SRPK2: variants seen among roughly 807,000 people sequenced by gnomAD.
The protein encoded by SRPK2 is SFRS protein kinase 2.
A neutral mutation model predicts 90.8 loss-of-function variants in SRPK2; 21 were observed. The observed-to-expected ratio is 0.23, with a 90% confidence interval of 0.16 to 0.33. The LOEUF (loss-of-function observed/expected upper bound fraction) is 0.33, where lower values mean the gene tolerates loss of function less well. Ranked by LOEUF, SRPK2 falls within the 10% of genes least tolerant of loss-of-function variation. The pLI is 1.00. For synonymous variants in SRPK2, 288 were observed against 311.1 expected, an observed-to-expected ratio of 0.93 and a Z score of 0.78; for missense variants, 620 against 869.0, an observed-to-expected ratio of 0.71 and a Z score of 3.60.
At chr7:105,291,736 AG>A (rs962634016) in intron 2 of SRPK2, among the ~76,000 whole-genome samples, 3 of 151,986 alleles carry the variant, frequency 2.0e-5, no homozygotes, top group African/African-American at 7.2e-5. Context: ...TTTCAGGGGG[AG>A]GGGGTCTCAA....
chr7:105,361,015 A>T (rs1180939706), intron 2 of SRPK2, among the ~76,000 whole-genome samples: 1 of 152,174 alleles, frequency 6.6e-6, no homozygotes, highest in Non-Finnish European at 1.5e-5. Context: ...AGGGTATTCA[A>T]TTAGGAAAAG....
At chr7:105,229,387 C>T (rs1771299428) in intron 2 of SRPK2, among the ~76,000 whole-genome samples, 1 of 152,010 alleles carries the variant, frequency 6.6e-6, no homozygotes. Flanking sequence ...TGGCGTGAAC[C>T]CGGGAGGCGG....
intron 2 of SRPK2, among the ~76,000 whole-genome samples, chr7:105,376,189 G>A (rs890601883): frequency 5.9e-5 from 9 of 151,566 alleles, no homozygotes; most frequent in Non-Finnish European, 1.3e-4. Context: ...AGTAGAGACA[G>A]GGTTTCACCA....
intron 3 of SRPK2, among the ~76,000 whole-genome samples, chr7:105,199,739 CA>C (rs967501867): frequency 9.9e-5 from 15 of 151,938 alleles, no homozygotes; most frequent in Admixed American, 9.2e-4. Flanking sequence ...TCATGGATTT[CA>C]AAACATATGT....
chr7:105,136,655 T>C (rs1275799854), intron 11 of SRPK2, among the ~76,000 whole-genome samples: 3 of 152,194 alleles, frequency 2.0e-5, no homozygotes, highest in Non-Finnish European at 4.4e-5. Context: ...CTCAGCATAA[T>C]GAGACAGCTG....
intron 2 of SRPK2, among the ~76,000 whole-genome samples, chr7:105,327,762 C>T (rs1813759141): frequency 6.6e-6 from 1 of 152,174 alleles, no homozygotes; most frequent in Non-Finnish European, 1.5e-5. Flanking sequence ...TACAGATTAG[C>T]TTATCTAAAC....
chr7:105,337,945 G>GA (rs1554514789), intron 2 of SRPK2, among the ~76,000 whole-genome samples: 3 of 150,988 alleles, frequency 2.0e-5, no homozygotes, highest in South Asian at 2.1e-4. Flanking sequence ...TTGCAAAAAA[G>GA]AAAAAAAATG....
intron 11 of SRPK2, 143 bp downstream of exon 11, chr7:105,141,862 ACTT>A: frequency 1.2e-6 from 1 of 820,732 alleles, no homozygotes; most frequent in South Asian, 2.8e-5. Context: ...AAATCACATT[ACTT>A]CTTCAGGAGT....
At chr7:105,286,096 T>A (rs1230368684) in intron 2 of SRPK2, among the ~76,000 whole-genome samples, 1 of 152,184 alleles carries the variant, frequency 6.6e-6, no homozygotes, top group Non-Finnish European at 1.5e-5. Context: ...TTGTCAAAGA[T>A]CACAGAGCCA....
At chr7:105,168,931 A>G (rs545503730) in intron 4 of SRPK2, among the ~76,000 whole-genome samples, 2 of 152,290 alleles carry the variant, frequency 1.3e-5, no homozygotes, top group Admixed American at 6.5e-5. Context: ...AACAATTTCA[A>G]TGAATTAACT....
intron 2 of SRPK2, among the ~76,000 whole-genome samples, chr7:105,334,288 G>A (rs1299978977): frequency 6.6e-6 from 1 of 152,156 alleles, no homozygotes; most frequent in Non-Finnish European, 1.5e-5. Context: ...CACCACACTG[G>A]CCAGATGGTC....
At chr7:105,277,084 A>AT (rs35129084) in intron 2 of SRPK2, among the ~76,000 whole-genome samples, 13 of 149,524 alleles carry the variant, frequency 8.7e-5, no homozygotes, top group Admixed American at 3.3e-4. Flanking sequence ...TATTATTATT[A>AT]TTTTTTTTTT....
At chr7:105,346,033 T>G (rs987182950) in intron 2 of SRPK2, among the ~76,000 whole-genome samples, 2 of 152,226 alleles carry the variant, frequency 1.3e-5, no homozygotes, top group African/African-American at 4.8e-5. Context: ...CTTAACTTCT[T>G]TCTTTTAAAA....
chr7:105,396,323 A>C (rs1822320519), intron 1 of SRPK2, among the ~76,000 whole-genome samples: 1 of 151,920 alleles, frequency 6.6e-6, no homozygotes, highest in Admixed American at 6.6e-5. Flanking sequence ...GAACAATGAG[A>C]CCATACATCT....
chr7:105,361,551 A>G (rs944566900), intron 2 of SRPK2, among the ~76,000 whole-genome samples: 1 of 152,208 alleles, frequency 6.6e-6, no homozygotes, highest in African/African-American at 2.4e-5. Context: ...AACTGGAGGC[A>G]TCATGCTACC....
At chr7:105,198,571 CA>C (rs1795189937) in intron 3 of SRPK2, among the ~76,000 whole-genome samples, 1 of 152,162 alleles carries the variant, frequency 6.6e-6, no homozygotes, top group African/African-American at 2.4e-5. Context: ...GTTAAGGAAA[CA>C]CACCCAACAT....
chr7:105,320,109 T>C (rs975600610), intron 2 of SRPK2, among the ~76,000 whole-genome samples: 4 of 152,192 alleles, frequency 2.6e-5, no homozygotes, highest in Admixed American at 1.3e-4. Flanking sequence ...TTCAGGTGCA[T>C]TGTCTACAGG....
chr7:105,254,500 A>T (rs1218138163), intron 2 of SRPK2, among the ~76,000 whole-genome samples: 1 of 152,212 alleles, frequency 6.6e-6, no homozygotes, highest in African/African-American at 2.4e-5. Context: ...CCATATCATG[A>T]ACTCAGTTCT....
At chr7:105,245,719 T>C (rs936252793) in intron 2 of SRPK2, among the ~76,000 whole-genome samples, 3 of 151,972 alleles carry the variant, frequency 2.0e-5, no homozygotes, top group Non-Finnish European at 4.4e-5. Flanking sequence ...ACACTTTTTT[T>C]CCCCTCAAGA....
Sources: allele counts gnomAD v4.1 joint callset (sites outside exome capture counted in the v4.1 genomes callset), GRCh38; gene constraint gnomAD v4.1.1; transcripts MANE v1.5; gene names NCBI Gene and HGNC (gene_info 2026-07-23, HGNC 2026-07-21).